Variants in R3HCC1L observed in about 807,000 individuals in gnomAD.
R3HCC1L encodes R3H domain and coiled-coil containing 1 like.
A neutral mutation model predicts 59.9 loss-of-function variants in R3HCC1L; 51 were observed. The observed-to-expected ratio is 0.85, with a 90% CI of 0.68 to 1.07. The LOEUF is 1.07. Ranked by LOEUF, R3HCC1L falls within the 50% of genes least tolerant of loss-of-function variation. The probability of loss-of-function intolerance (pLI) is 0.00; values close to 1 mark genes in which losing one functional copy is unlikely to be tolerated. For missense variants in R3HCC1L, 965 were observed against 933.0 expected, an observed-to-expected ratio of 1.03 and a Z score of -0.45; for synonymous variants, 322 against 315.2, an observed-to-expected ratio of 1.02 and a Z score of -0.23.
intron 2 of R3HCC1L, among the ~76,000 whole-genome samples, chr10:98,160,181 C>T (rs1197250523): frequency 6.6e-6 from 1 of 152,170 alleles, no homozygotes. Flanking sequence ...CTCATACCAC[C>T]ACTTAAAAGA....
intron 4 of R3HCC1L, among the ~76,000 whole-genome samples, chr10:98,187,752 TA>T (rs1332602650): frequency 2.3e-4 from 34 of 148,130 alleles, no homozygotes; most frequent in African/African-American, 8.3e-4. Flanking sequence ...TTTTTTTTTT[TA>T]AGAGATAAGG....
intron 4 of R3HCC1L, among the ~76,000 whole-genome samples, chr10:98,193,369 C>T (rs1355085542): frequency 2.0e-5 from 3 of 150,862 alleles, no homozygotes; most frequent in African/African-American, 7.3e-5. Flanking sequence ...GTGTACAAAA[C>T]CAAAAAAAAT....
intron 4 of R3HCC1L, among the ~76,000 whole-genome samples, chr10:98,181,477 A>G (rs1849614937): frequency 6.6e-6 from 1 of 152,114 alleles, no homozygotes; most frequent in Non-Finnish European, 1.5e-5. Context: ...ATCTTGGTGA[A>G]TCTGACAATT....
chr10:98,232,191 T>C (rs907964816), intron 6 of R3HCC1L, among the ~76,000 whole-genome samples: 1 of 152,158 alleles, frequency 6.6e-6, no homozygotes, highest in Non-Finnish European at 1.5e-5. Flanking sequence ...GGTTTCACCA[T>C]GTTGCCCAGG....
intron 4 of R3HCC1L, 38 bp downstream of exon 4, chr10:98,163,435 C>T: frequency 8.5e-7 from 1 of 1,173,952 alleles, no homozygotes; most frequent in East Asian, 2.7e-5. Flanking sequence ...TATAGAAATA[C>T]TGTCTGTTTA....
intron 5 of R3HCC1L, among the ~76,000 whole-genome samples, chr10:98,226,366 A>G (rs1297492023): frequency 6.6e-6 from 1 of 152,236 alleles, no homozygotes; most frequent in East Asian, 1.9e-4. Context: ...AAAGAGGTAT[A>G]AAACTTATAC....
chr10:98,186,583 A>T, intron 4 of R3HCC1L: 1 of 860,360 alleles, frequency 1.2e-6, no homozygotes, highest in Non-Finnish European at 1.4e-6. Context: ...ATTGCCACTA[A>T]CAGTTGTGAC....
At chr10:98,145,947 T>C (rs1052693030) in intron 1 of R3HCC1L, among the ~76,000 whole-genome samples, 1 of 144,080 alleles carries the variant, frequency 6.9e-6, no homozygotes, top group Admixed American at 6.9e-5. Context: ...AGACTCCATC[T>C]CAAAAAAAAA....
intron 5 of R3HCC1L, among the ~76,000 whole-genome samples, chr10:98,224,125 C>T (rs961521654): frequency 2.6e-5 from 4 of 151,992 alleles, no homozygotes; most frequent in Middle Eastern, 3.2e-3. Context: ...GTTGTAGCAG[C>T]GGAAAGCTGT....
At chr10:98,240,517 G>A (rs147936544) in intron 9 of R3HCC1L, among the ~76,000 whole-genome samples, 1 of 152,272 alleles carries the variant, frequency 6.6e-6, no homozygotes, top group Non-Finnish European at 1.5e-5. Context: ...TAATTGGCTG[G>A]TTCTGAAAGG....
chr10:98,209,646 G>C lies in R3HCC1L; in HGVS notation c.1532G>C (p.Ser511Thr). 6.2e-7 allele frequency: 1 copy of C among 1,614,024 alleles called. No individual in the cohort carries two copies. Among genetic ancestry groups the C allele is most frequent in the Non-Finnish European group, 8.5e-7 (1 of 1,179,954 alleles). Residue 511 changes from serine (S) to threonine (T), a missense_variant, in exon 5 of 10, where the codon AGT becomes ACT. Ser to Thr is a moderately conservative substitution (Grantham distance 58). Coordinates refer to ENST00000298999, the MANE Select transcript of R3HCC1L (RefSeq NM_001351015.2). ...SDSAVGIDLG[S>T]TGDTTEALHE... ...AGTGCCGTGGGCATTGACCTGGGTA[G>C]TACTGGTGATACAACAGAAGCATTG...
rs144312813 is a variant in R3HCC1L, at chr10:98,202,659, C to T, written c.-14-5442C>T. Among the ~76,000 whole-genome samples, 577 of 152,180 alleles carry T rather than the reference C, an allele frequency of 3.8e-3. 1 individual carries two copies. The highest frequency in any genetic ancestry group is 0.013 in the African/African-American group (554 of 41,496). On this transcript the variant is annotated intron_variant, in intron 4 of 9. Transcript: ENST00000298999. ...ACAAGGTCAGGAGTTTGAGACCAGC[C>T]TGGCCAATATGGTGAAACCCTGTCT... is the stretch of plus-strand genomic sequence containing the variant.
At chr10:98,231,723 T>G (rs1590822240) in intron 6 of R3HCC1L, 36 bp downstream of exon 6, 7 of 1,513,424 alleles carry the variant, frequency 4.6e-6, no homozygotes, top group Non-Finnish European at 6.2e-6. Context: ...TTAGGGAGGG[T>G]GAGATGAAGT....
chr10:98,211,330 C>T (rs904291803), intron 5 of R3HCC1L: 40 of 1,532,088 alleles, frequency 2.6e-5, no homozygotes, highest in East Asian at 1.5e-4. Context: ...ACATAAAGCC[C>T]GAGAACCACT....
intron 4 of R3HCC1L, among the ~76,000 whole-genome samples, chr10:98,199,240 A>T (rs1211039017): frequency 6.6e-6 from 1 of 152,036 alleles, no homozygotes; most frequent in Non-Finnish European, 1.5e-5. Flanking sequence ...TCTTTCCAAC[A>T]TCGAGTAATT....
chr10:98,156,902 T>G (rs1202223673), intron 2 of R3HCC1L, among the ~76,000 whole-genome samples: 2 of 152,268 alleles, frequency 1.3e-5, no homozygotes, highest in Admixed American at 1.3e-4. Flanking sequence ...TTGTAAGAAC[T>G]TTAAAATTCT....
chr10:98,172,396 A>G (rs1848601777), intron 4 of R3HCC1L, among the ~76,000 whole-genome samples: 1 of 152,196 alleles, frequency 6.6e-6, no homozygotes, highest in Admixed American at 6.5e-5. Context: ...AGCGTGGTTC[A>G]TGACAGCAAA....
intron 1 of R3HCC1L, among the ~76,000 whole-genome samples, chr10:98,138,491 G>C (rs1363505842): frequency 4.6e-5 from 7 of 151,734 alleles, no homozygotes; most frequent in African/African-American, 1.7e-4. Flanking sequence ...AAGAGTTCAA[G>C]ACCAGCCTGG....
intron 7 of R3HCC1L, 118 bp downstream of exon 7, chr10:98,234,634 G>A: frequency 1.0e-6 from 1 of 1,003,048 alleles, no homozygotes; most frequent in Admixed American, 2.3e-5. Context: ...TAGGTAATAG[G>A]GCAGTTAGTG....
Sources: gnomAD v4.1 joint callset for allele counts (sites outside exome capture counted in the v4.1 genomes callset) on GRCh38, gnomAD v4.1.1 for gene constraint, MANE v1.5 for transcripts, NCBI Gene and HGNC (gene_info 2026-07-23, HGNC 2026-07-21) for gene names.